ADGRL4: variants seen among roughly 807,000 people sequenced by gnomAD.
ADGRL4 encodes EGF, latrophilin and seven transmembrane domain containing 1.
In ADGRL4, 90 loss-of-function variants were observed where a neutral mutation model predicts 74.8. The observed-to-expected ratio is 1.20, with a 90% CI of 1.02 to 1.43. ADGRL4 has a LOEUF of 1.43. Among genes scored for constraint, ADGRL4 ranks in the 40% most tolerant of loss-of-function variants. ADGRL4 has a pLI of 0.00. For missense variants in ADGRL4, 881 were observed against 814.3 expected, an observed-to-expected ratio of 1.08 and a Z score of -1.00; for synonymous variants, 311 against 279.2, an observed-to-expected ratio of 1.11 and a Z score of -1.14.
intron 1 of ADGRL4, among the ~76,000 whole-genome samples, chr1:79,006,013 T>C (rs947556748): frequency 6.6e-6 from 1 of 152,188 alleles, no homozygotes; most frequent in East Asian, 1.9e-4. Flanking sequence ...TGTGGACTGA[T>C]AGGAAAAAAT....
chr1:78,977,706 T>C (rs1650314161), intron 2 of ADGRL4, among the ~76,000 whole-genome samples: 1 of 151,916 alleles, frequency 6.6e-6, no homozygotes, highest in Non-Finnish European at 1.5e-5. Context: ...TATGTGTGTG[T>C]TCTGGTGAGT....
rs1570264507 is a variant in ADGRL4 at position 78,972,648 on chromosome 1, G to T, written c.173-26222C>A. On this transcript the variant is annotated intron_variant, in intron 2 of 14. Coordinates refer to ENST00000370742, the MANE Select transcript of ADGRL4 (RefSeq NM_022159.4). ...TTTTAAGTTGTAGAGGACAGTGTTG[G>T]CTATTTGGCTTCATAAATGAATCTG... is the stretch of plus-strand genomic sequence containing the variant. Among the ~76,000 whole-genome samples the T allele has an allele frequency of 2.0e-5, 3 of 152,234 alleles. No individual in the cohort carries two copies. In the South Asian group the frequency reaches 6.2e-4, roughly 32 times the overall value.
rs200894297 is a variant in ADGRL4 at position 79,005,103 on chromosome 1, C to T, written c.139G>A (p.Gly47Arg). 53 of 1,612,348 alleles carry T rather than the reference C, an allele frequency of 3.3e-5. No homozygotes were observed. The African/African-American group carries it at 6.4e-4, about 19-fold the overall frequency. Reference sequence around the variant, plus strand: ...ATTGTGACACCATTTCCTGAAAATCCCATGTTGCAATAGCAGGCTTCAATT... The same window carrying T: ...ATTGTGACACCATTTCCTGAAAATCTCATGTTGCAATAGCAGGCTTCAATT... ...NGIEACYCNMGFSGNGVTICE... is the reference protein window; with the variant it reads ...NGIEACYCNMRFSGNGVTICE... The change falls in exon 2 of 15, where the codon GGA (glycine) becomes AGA (arginine). Residue 47 changes from glycine (G) to arginine (R), a missense_variant. Gly to Arg is a moderately radical substitution (Grantham distance 125). Transcript: ENST00000370742.
At chr1:78,956,555 C>T (rs935065206) in intron 2 of ADGRL4, among the ~76,000 whole-genome samples, 9 of 152,176 alleles carry the variant, frequency 5.9e-5, no homozygotes, top group Admixed American at 5.9e-4. Context: ...GCCTAACACT[C>T]ATTTTGCAAA....
At chr1:78,974,713 TC>T (rs1650243160) in intron 2 of ADGRL4, among the ~76,000 whole-genome samples, 1 of 152,164 alleles carries the variant, frequency 6.6e-6, no homozygotes, top group Non-Finnish European at 1.5e-5. Context: ...CTGCAAGTGT[TC>T]CTTAGCTCAT....
chr1:78,910,185 C>T (rs752745574), intron 12 of ADGRL4, among the ~76,000 whole-genome samples: 3 of 151,660 alleles, frequency 2.0e-5, no homozygotes, highest in Non-Finnish European at 4.4e-5. Flanking sequence ...CAATCTTTGG[C>T]AATTTGTGCT....
intron 1 of ADGRL4, among the ~76,000 whole-genome samples, chr1:79,006,347 C>T (rs749319120): frequency 2.6e-4 from 39 of 152,138 alleles, no homozygotes; most frequent in Non-Finnish European, 4.9e-4. Context: ...TGTTAATGGT[C>T]TGGATTTCCC....
intron 9 of ADGRL4, among the ~76,000 whole-genome samples, 180 bp from the exon 10 acceptor site, chr1:78,920,566 C>T (rs1373653813): frequency 6.6e-6 from 1 of 151,708 alleles, no homozygotes; most frequent in Non-Finnish European, 1.5e-5. Context: ...CCTCAATATC[C>T]ACATAAATCT....
intron 12 of ADGRL4, among the ~76,000 whole-genome samples, chr1:78,894,233 A>G (rs891605852): frequency 1.3e-5 from 2 of 151,868 alleles, no homozygotes; most frequent in Admixed American, 1.3e-4. Context: ...TCAAAATGAA[A>G]TTTAGCATAT....
At chr1:78,908,116 A>T (rs1418973494) in intron 12 of ADGRL4, among the ~76,000 whole-genome samples, 1 of 152,000 alleles carries the variant, frequency 6.6e-6, no homozygotes, top group African/African-American at 2.4e-5. Flanking sequence ...ACAAACACTT[A>T]TAGAGAAGTT....
Position 78,923,643 on chromosome 1 carries a change from A to T in ADGRL4, c.1084-1857T>A, listed in dbSNP as rs188255896. Among the ~76,000 whole-genome samples, 97 of 151,336 alleles carry T rather than the reference A, an allele frequency of 6.4e-4. 1 individual carries two copies. The highest frequency in any genetic ancestry group is 2.2e-3 in the African/African-American group (89 of 40,852). Reference sequence around the variant, plus strand: ...GCAGGAAGCAGAAAATAGCTTTTTTAAAAAAATATATAAATAATATCTCAG... The same window carrying T: ...GCAGGAAGCAGAAAATAGCTTTTTTTAAAAAATATATAAATAATATCTCAG... On this transcript the variant is annotated intron_variant, in intron 8 of 14. Transcript: ENST00000370742.
At chr1:78,976,159 C>T (rs1650275956) in intron 2 of ADGRL4, among the ~76,000 whole-genome samples, 1 of 151,794 alleles carries the variant, frequency 6.6e-6, no homozygotes, top group Non-Finnish European at 1.5e-5. Context: ...AGGACAGAAA[C>T]AAACAAGCAA....
intron 2 of ADGRL4, among the ~76,000 whole-genome samples, chr1:78,970,174 T>C (rs1348494423): frequency 1.3e-5 from 2 of 152,162 alleles, no homozygotes; most frequent in African/African-American, 2.4e-5. Flanking sequence ...AAGGAGTCCA[T>C]GCAACTCCTC....
intron 2 of ADGRL4, among the ~76,000 whole-genome samples, chr1:79,003,135 A>G (rs566259554): frequency 6.6e-6 from 1 of 152,200 alleles, no homozygotes; most frequent in African/African-American, 2.4e-5. Flanking sequence ...AAGATAGGAA[A>G]GGTGAGGAAT....
intron 2 of ADGRL4, among the ~76,000 whole-genome samples, chr1:78,979,571 TCATAATATGAAAAAGACA>T (rs1650358821): frequency 6.6e-6 from 1 of 151,924 alleles, no homozygotes; most frequent in Admixed American, 6.6e-5. Flanking sequence ...GGAAAAGATG[TCATAATATGAAAAAGACA>T]CACGCACACA....
At chr1:78,906,870 AT>A (rs1245623813) in intron 12 of ADGRL4, among the ~76,000 whole-genome samples, 2 of 152,030 alleles carry the variant, frequency 1.3e-5, no homozygotes, top group Admixed American at 6.6e-5. Flanking sequence ...AAAGGTAAAA[AT>A]AGAAGAGATA....
rs536592932 is a variant in ADGRL4, at chr1:78,893,043, A to G, written c.1841+55T>C. ...CAAATTATTTGTACTTTGAGTTACTAAAGCTTTTAATTACCAAAAAAAAAA... is the reference window on the plus strand; with the variant it reads ...CAAATTATTTGTACTTTGAGTTACTGAAGCTTTTAATTACCAAAAAAAAAA... On this transcript the variant is annotated intron_variant, in intron 13 of 14. Transcript: ENST00000370742. 2.1e-4 allele frequency: 208 copies of G among 989,296 alleles called. 1 individual carries two copies. Among genetic ancestry groups the G allele is most frequent in the Middle Eastern group, 1.9e-3 (8 of 4,276 alleles). The allele number at this position is 989,296 out of a possible 1,614,324, so 61.3% of individuals were successfully genotyped here.
chr1:78,922,288 C>T (rs543553801), intron 8 of ADGRL4, among the ~76,000 whole-genome samples: 6 of 152,014 alleles, frequency 3.9e-5, no homozygotes, highest in Non-Finnish European at 5.9e-5. Flanking sequence ...GCAGGCACTT[C>T]GATGACGTGA....
intron 2 of ADGRL4, among the ~76,000 whole-genome samples, chr1:78,979,755 T>C (rs1263933922): frequency 7.2e-5 from 11 of 151,898 alleles, no homozygotes; most frequent in East Asian, 5.8e-4. Flanking sequence ...TGCAGTGACT[T>C]GGATGGAGCA....
Sources: gnomAD v4.1 joint callset for allele counts (sites outside exome capture counted in the v4.1 genomes callset) on GRCh38, gnomAD v4.1.1 for gene constraint, MANE v1.5 for transcripts, NCBI Gene and HGNC (gene_info 2026-07-23, HGNC 2026-07-21) for gene names.